RCOR1: variants seen among roughly 807,000 people sequenced by gnomAD.
The protein encoded by RCOR1 is REST corepressor.
A neutral mutation model predicts 64.0 loss-of-function variants in RCOR1; 12 were observed. That is an observed-to-expected ratio of 0.19 (90% CI 0.12 to 0.30). RCOR1 has a LOEUF of 0.30. Among genes scored for constraint, RCOR1 ranks in the 10% least tolerant of loss-of-function variants. RCOR1 has a pLI of 1.00. For synonymous variants in RCOR1, 279 were observed against 227.2 expected (o/e 1.23, Z -2.05); for missense variants, 502 against 621.2 (o/e 0.81, Z 2.04).
chr14:102,632,062 G>A (rs908616663), intron 2 of RCOR1, among the ~76,000 whole-genome samples: 9 of 150,486 alleles, frequency 6.0e-5, no homozygotes, highest in Non-Finnish European at 1.0e-4. Flanking sequence ...TGCACGCCTT[G>A]GCCTCCCAAA....
At chr14:102,646,665 A>G (rs1373795040) in intron 2 of RCOR1, among the ~76,000 whole-genome samples, 2 of 152,232 alleles carry the variant, frequency 1.3e-5, no homozygotes, top group Non-Finnish European at 2.9e-5. Context: ...GAAGTGTGGA[A>G]ATGTGAATAA....
chr14:102,608,844 C>T (rs1703218974), intron 2 of RCOR1, among the ~76,000 whole-genome samples: 1 of 151,318 alleles, frequency 6.6e-6, no homozygotes, highest in Admixed American at 6.6e-5. Context: ...AGCTTATAGG[C>T]ATGAGCCACT....
intron 2 of RCOR1, among the ~76,000 whole-genome samples, chr14:102,634,386 A>C (rs1894188760): frequency 6.6e-6 from 1 of 151,928 alleles, no homozygotes; most frequent in South Asian, 2.1e-4. Context: ...AAAACCAACC[A>C]ACCAACCAAC....
chr14:102,661,976 G>A (rs888016696), intron 2 of RCOR1, among the ~76,000 whole-genome samples: 8 of 151,978 alleles, frequency 5.3e-5, no homozygotes, highest in African/African-American at 1.7e-4. Context: ...GCCCAGGCTG[G>A]TCTCAAATTC....
intron 2 of RCOR1, among the ~76,000 whole-genome samples, chr14:102,599,264 G>A (rs1353824402): frequency 2.0e-5 from 3 of 151,986 alleles, no homozygotes; most frequent in Non-Finnish European, 4.4e-5. Flanking sequence ...AAGTAGCTGG[G>A]ACTACAGATG....
At position 102,730,178 on chromosome 14, in the gene RCOR1, G is replaced by A. The variant is rs1310871127; in HGVS notation, c.*3672G>A. ...TACCGGGGTGGATAGTATTCCATTA[G>A]GTAGACTTATCGACTTTGCTAAGTG... On this transcript the variant is annotated 3_prime_UTR_variant, in exon 12 of 12. Coordinates refer to ENST00000262241, the MANE Select transcript of RCOR1 (RefSeq NM_015156.4). 2.5e-6 allele frequency: 1 copy of A among 397,202 alleles called. No homozygotes were observed. Among genetic ancestry groups the A allele is most frequent in the East Asian group, 3.6e-5 (1 of 28,052 alleles). The allele number at this position is 397,202 out of a possible 1,614,324, so 24.6% of individuals were successfully genotyped here.
chr14:102,648,147 C>T (rs1332569421), intron 2 of RCOR1, among the ~76,000 whole-genome samples: 7 of 152,198 alleles, frequency 4.6e-5, no homozygotes, highest in South Asian at 2.1e-4. Context: ...GGCGTGATCT[C>T]GCCTCACTGC....
At chr14:102,657,567 G>T in intron 2 of RCOR1, 3 of 978,722 alleles carry the variant, frequency 3.1e-6, no homozygotes, top group African/African-American at 1.7e-5. Context: ...ACTGGGTGCA[G>T]TGGATCACAC....
At chr14:102,648,604 G>T (rs1466887555) in intron 2 of RCOR1, among the ~76,000 whole-genome samples, 2 of 152,136 alleles carry the variant, frequency 1.3e-5, no homozygotes, top group Non-Finnish European at 2.9e-5. Flanking sequence ...GTAGATCTAT[G>T]TGTATTTATT....
chr14:102,676,796 A>C (rs1895174961), intron 2 of RCOR1, among the ~76,000 whole-genome samples: 1 of 71,680 alleles, frequency 1.4e-5, no homozygotes, highest in African/African-American at 7.0e-5. Flanking sequence ...ACTTCCCAGT[A>C]GGGGCGGCCG....
intron 2 of RCOR1, chr14:102,656,136 T>A (rs985765328): frequency 2.1e-5 from 20 of 975,408 alleles, no homozygotes; most frequent in African/African-American, 1.6e-4. Context: ...GAGATTTTTT[T>A]ATTTTTTTTA....
chr14:102,633,941 A>G (rs1319936890), intron 2 of RCOR1, among the ~76,000 whole-genome samples: 2 of 152,216 alleles, frequency 1.3e-5, no homozygotes, highest in Non-Finnish European at 2.9e-5. Flanking sequence ...TAGAAGGTAG[A>G]TTTTTGAGGT....
chr14:102,620,012 T>C (rs1893841401), intron 2 of RCOR1, among the ~76,000 whole-genome samples: 2 of 152,208 alleles, frequency 1.3e-5, no homozygotes, highest in Non-Finnish European at 1.5e-5. Context: ...TCTCATTGCT[T>C]CCACAGTTCC....
At chr14:102,713,932 G>A (rs906388002) in intron 7 of RCOR1, among the ~76,000 whole-genome samples, 2 of 152,134 alleles carry the variant, frequency 1.3e-5, no homozygotes, top group Non-Finnish European at 2.9e-5. Flanking sequence ...ATTTCTGAAA[G>A]TTTTGGTTTT....
intron 8 of RCOR1, among the ~76,000 whole-genome samples, chr14:102,719,774 C>G (rs1323510999): frequency 6.6e-6 from 1 of 152,112 alleles, no homozygotes; most frequent in Non-Finnish European, 1.5e-5. Context: ...GCAATATATA[C>G]CCAGTTTTGT....
chr14:102,708,426 T>A, intron 5 of RCOR1, 39 bp from the exon 6 acceptor site: 2 of 1,182,906 alleles, frequency 1.7e-6, no homozygotes, highest in Non-Finnish European at 2.5e-6. Context: ...TAAAGATTAC[T>A]TTTTTATTTA....
chr14:102,624,478 C>T (rs1893941255), intron 2 of RCOR1, among the ~76,000 whole-genome samples: 1 of 152,116 alleles, frequency 6.6e-6, no homozygotes, highest in African/African-American at 2.4e-5. Context: ...TGCACTCCAG[C>T]CTGGGCATCA....
chr14:102,630,665 G>T (rs895611214), intron 2 of RCOR1, among the ~76,000 whole-genome samples: 1 of 152,134 alleles, frequency 6.6e-6, no homozygotes, highest in South Asian at 2.1e-4. Context: ...CAGAAGATAA[G>T]AAGGGTAGTG....
rs1426735976 is a variant in RCOR1, at chr14:102,593,111, G to A, written c.225G>A (p.Ala75=). 6.6e-7 allele frequency: 1 copy of A among 1,506,038 alleles called. No homozygotes were observed. The highest frequency in any genetic ancestry group is 8.8e-7 in the Non-Finnish European group (1 of 1,131,520). The allele number at this position is 1,506,038 out of a possible 1,614,324, so 93.3% of individuals were successfully genotyped here. Residue 75 remains alanine, a synonymous_variant, in exon 1 of 12, where the codon GCG becomes GCA. Coordinates refer to ENST00000262241, the MANE Select transcript of RCOR1 (RefSeq NM_015156.4). ...ATGGCCAGAATAAAAGTTTGGCGGCGGCGGCGCCCAATGGCAACAGCAGCA... is the reference window on the plus strand; with the variant it reads ...ATGGCCAGAATAAAAGTTTGGCGGCAGCGGCGCCCAATGGCAACAGCAGCA... ...PNNGQNKSLA[A]AAPNGNSSSN... is the part of the protein sequence containing the mutation.
Sources: gnomAD v4.1 joint callset for allele counts (sites outside exome capture counted in the v4.1 genomes callset) on GRCh38, gnomAD v4.1.1 for gene constraint, MANE v1.5 for transcripts, NCBI Gene and HGNC (gene_info 2026-07-23, HGNC 2026-07-21) for gene names.